FOCAD: variants seen among roughly 807,000 people sequenced by gnomAD.
The protein encoded by FOCAD is focadhesin.
Under a neutral mutation model 225.6 loss-of-function variants are expected in FOCAD, and 198 were observed. That is an observed-to-expected ratio of 0.88 (90% CI 0.78 to 0.99). The LOEUF (loss-of-function observed/expected upper bound fraction) is 0.99. Among genes scored for constraint, FOCAD ranks in the 50% least tolerant of loss-of-function variants. The probability of loss-of-function intolerance (pLI) is 0.00; values close to 1 mark genes in which losing one functional copy is unlikely to be tolerated. For missense variants in FOCAD, 2,713 were observed against 2,123.6 expected (o/e 1.28, Z -5.46); for synonymous variants, 897 against 755.0 (o/e 1.19, Z -3.08).
chr9:20,838,497 C>T (rs1826204807), intron 15 of FOCAD, among the ~76,000 whole-genome samples: 2 of 152,026 alleles, frequency 1.3e-5, no homozygotes, highest in South Asian at 4.1e-4. Flanking sequence ...GGTCATATGA[C>T]TTTGATCTGA....
chr9:20,992,768 G>A (rs557709382), intron 42 of FOCAD, among the ~76,000 whole-genome samples: 3 of 152,216 alleles, frequency 2.0e-5, no homozygotes, highest in East Asian at 3.9e-4. Context: ...GACCATCCTG[G>A]CCATCATGGT....
intron 25 of FOCAD, among the ~76,000 whole-genome samples, chr9:20,926,084 A>G (rs1321392716): frequency 6.6e-6 from 1 of 152,154 alleles, no homozygotes; most frequent in African/African-American, 2.4e-5. Flanking sequence ...TGTTCATAAA[A>G]GATACATCTT....
intron 11 of FOCAD, among the ~76,000 whole-genome samples, chr9:20,795,538 C>T (rs1820968545): frequency 6.6e-6 from 1 of 151,646 alleles, no homozygotes; most frequent in Admixed American, 6.6e-5. Flanking sequence ...GTAATCCCAG[C>T]ACTTTGGGAG....
At chr9:20,934,408 T>C (rs1161068248) in intron 28 of FOCAD, among the ~76,000 whole-genome samples, 2 of 152,190 alleles carry the variant, frequency 1.3e-5, no homozygotes, top group African/African-American at 2.4e-5. Flanking sequence ...AGGATCCTTC[T>C]GTACAGTTTT....
chr9:20,760,283 C>G (rs1563956091), intron 6 of FOCAD, among the ~76,000 whole-genome samples: 1 of 152,192 alleles, frequency 6.6e-6, no homozygotes, highest in Non-Finnish European at 1.5e-5. Context: ...ATAGCACTTA[C>G]TTGTTGATAT....
At chr9:20,712,730 CTTTTTTTTTTTTT>C (rs71334550) in intron 1 of FOCAD, among the ~76,000 whole-genome samples, 1 of 93,322 alleles carries the variant, frequency 1.1e-5, no homozygotes, top group Non-Finnish European at 1.9e-5. Flanking sequence ...CTCCTATATT[CTTTTTTTTTTTTT>C]TTTTTTTTTG....
At chr9:20,662,917 A>C (rs1821777543) in intron 2 of FOCAD, among the ~76,000 whole-genome samples, 1 of 152,238 alleles carries the variant, frequency 6.6e-6, no homozygotes, top group African/African-American at 2.4e-5. Context: ...AATTCAAATA[A>C]CATAATAGAA....
At chr9:20,814,508 A>G (rs1823447015) in intron 11 of FOCAD, among the ~76,000 whole-genome samples, 1 of 151,928 alleles carries the variant, frequency 6.6e-6, no homozygotes, top group South Asian at 2.1e-4. Flanking sequence ...TATATGTGCC[A>G]CCAATGCCCA....
intron 1 of FOCAD, among the ~76,000 whole-genome samples, chr9:20,702,827 A>G (rs1193412047): frequency 6.6e-6 from 1 of 152,200 alleles, no homozygotes; most frequent in Non-Finnish European, 1.5e-5. Flanking sequence ...TGTCTTGTGG[A>G]GTGCTTAGCA....
At chr9:20,755,516 A>G (rs370573348) in intron 5 of FOCAD, among the ~76,000 whole-genome samples, 57 of 152,248 alleles carry the variant, frequency 3.7e-4, no homozygotes, top group African/African-American at 1.3e-3. Flanking sequence ...TAAAAAGGAG[A>G]TAGATTCTTA....
chr9:20,800,032 G>C (rs976014162), intron 11 of FOCAD, among the ~76,000 whole-genome samples: 1 of 152,064 alleles, frequency 6.6e-6, no homozygotes, highest in African/African-American at 2.4e-5. Context: ...AGGCCTTTTA[G>C]GACAGGCCTG....
In FOCAD at chr9:20,819,866, T is replaced by C; in HGVS notation, c.1526T>C (p.Ile509Thr). 2 of 1,545,122 alleles carry C rather than the reference T, an allele frequency of 1.3e-6. No individual in the cohort carries two copies. Among genetic ancestry groups the C allele is most frequent in the Non-Finnish European group, 1.7e-6 (2 of 1,148,032 alleles). Reference protein sequence around the residue: ...RPLEPILYNDILYTLPKLGVH... With the variant: ...RPLEPILYNDTLYTLPKLGVH... ...CTGGAACCTATATTATATAATGATA[T>C]ATTGTATACTTTACCTAAGCTTGGT... Residue 509 changes from isoleucine (I) to threonine (T), a missense_variant, in exon 12 of 44, where the codon ATA becomes ACA. Physicochemically the swap from Ile to Thr is moderately conservative, Grantham distance 89 (BLOSUM62 -1). Transcript: ENST00000338382.
At chr9:20,812,618 G>A (rs759429525) in intron 11 of FOCAD, among the ~76,000 whole-genome samples, 1 of 151,842 alleles carries the variant, frequency 6.6e-6, no homozygotes, top group African/African-American at 2.4e-5. Context: ...TCCAATTTAT[G>A]GGGTGAAGAC....
intron 38 of FOCAD, 118 bp downstream of exon 38, chr9:20,981,804 TA>T (rs1840725794): frequency 1.1e-5 from 12 of 1,124,292 alleles, no homozygotes; most frequent in Non-Finnish European, 1.4e-5. Context: ...TAGCAAGAAA[TA>T]ACCACATTCT....
chr9:20,949,719 C>G, intron 33 of FOCAD, 44 bp downstream of exon 33: 1 of 1,449,058 alleles, frequency 6.9e-7, no homozygotes, highest in Admixed American at 1.7e-5. Flanking sequence ...AACATATCCC[C>G]CTTTGTTGTC....
chr9:20,822,872 C>G (rs567005109), intron 14 of FOCAD, 117 bp from the exon 15 acceptor site: 8 of 866,174 alleles, frequency 9.2e-6, no homozygotes, highest in South Asian at 5.9e-5. Flanking sequence ...TTGAGGGTCA[C>G]CATTTAGTGG....
chr9:20,776,055 G>C (rs1818724214), intron 8 of FOCAD, among the ~76,000 whole-genome samples: 1 of 152,152 alleles, frequency 6.6e-6, no homozygotes, highest in Non-Finnish European at 1.5e-5. Flanking sequence ...CAAGCAGTTG[G>C]AGAGGGACAA....
intron 19 of FOCAD, among the ~76,000 whole-genome samples, chr9:20,875,996 T>C (rs1830193431): frequency 6.6e-6 from 1 of 152,210 alleles, no homozygotes; most frequent in Non-Finnish European, 1.5e-5. Context: ...TACTAGCCTG[T>C]AATGTTGGAA....
At chr9:20,687,418 T>G (rs1186063063) in intron 1 of FOCAD, among the ~76,000 whole-genome samples, 1 of 152,180 alleles carries the variant, frequency 6.6e-6, no homozygotes, top group Non-Finnish European at 1.5e-5. Context: ...AACTGTAGTT[T>G]TATGAAGTTT....
Sources: allele counts gnomAD v4.1 joint callset (sites outside exome capture counted in the v4.1 genomes callset), GRCh38; gene constraint gnomAD v4.1.1; transcripts MANE v1.5; gene names NCBI Gene and HGNC (gene_info 2026-07-23, HGNC 2026-07-21).